Variants in SLC9B1 observed in about 807,000 individuals in gnomAD.
SLC9B1 encodes solute carrier family 9 member B1, also known as sodium/hydrogen exchanger 9B1.
Under a neutral mutation model 51.7 loss-of-function variants are expected in SLC9B1, and 32 were observed. The ratio of observed to expected loss-of-function variants is 0.62; its 90% confidence interval spans 0.47 to 0.83. The LOEUF (loss-of-function observed/expected upper bound fraction) is 0.83, where lower values mean the gene tolerates loss of function less well. Among genes scored for constraint, SLC9B1 ranks in the 40% least tolerant of loss-of-function variants. The pLI is 0.00. For missense variants in SLC9B1, 406 were observed against 613.2 expected (o/e 0.66, Z 3.57); for synonymous variants, 145 against 212.7 (o/e 0.68, Z 2.77).
downstream of SLC9B1, among the ~76,000 whole-genome samples, chr4:102,896,352 A>G (rs902249765): frequency 1.3e-5 from 2 of 152,154 alleles, no homozygotes; most frequent in Non-Finnish European, 2.9e-5. Flanking sequence ...CTTCTGTCAC[A>G]TCTTTTTCTA....
At chr4:103,011,197 A>G (rs943143707) in intron 1 of SLC9B1, among the ~76,000 whole-genome samples, 1 of 152,236 alleles carries the variant, frequency 6.6e-6, no homozygotes, top group African/African-American at 2.4e-5. Flanking sequence ...AAAAGGAGAA[A>G]GGGGTAATAA....
intron 2 of SLC9B1, among the ~76,000 whole-genome samples, chr4:102,991,216 T>C (rs2110518973): frequency 6.6e-6 from 1 of 152,138 alleles, no homozygotes; most frequent in South Asian, 2.1e-4. Context: ...TGAGCAATTA[T>C]TACTAAGTAA....
At chr4:102,976,235 C>T (rs1028042224) in intron 3 of SLC9B1, among the ~76,000 whole-genome samples, 1 of 152,180 alleles carries the variant, frequency 6.6e-6, no homozygotes, top group Non-Finnish European at 1.5e-5. Context: ...CAGTTACGGT[C>T]GTTTTCATAC....
At chr4:102,913,696 A>T (rs1182068603) in intron 7 of SLC9B1, among the ~76,000 whole-genome samples, 3 of 151,906 alleles carry the variant, frequency 2.0e-5, no homozygotes, top group Admixed American at 6.5e-5. Context: ...ATCCAAATTA[A>T]CTCTCTTAAT....
At chr4:102,889,204 CTCACATGTCAGTGGGGGATA>C (rs1734101817) in intron 11 of SLC9B1, 1 of 152,230 alleles carries the variant, frequency 6.6e-6, no homozygotes, top group Non-Finnish European at 1.5e-5. Context: ...TTGTTCTTTC[CTCACATGTCAGTGGGGGATA>C]AATACAGCAT....
intron 3 of SLC9B1, among the ~76,000 whole-genome samples, chr4:102,964,816 A>G (rs1738335920): frequency 1.3e-5 from 2 of 152,232 alleles, no homozygotes; most frequent in South Asian, 4.1e-4. Flanking sequence ...GGCATCTACC[A>G]GAAGCCTACA....
chr4:102,935,339 A>G (rs1174671014), intron 6 of SLC9B1, among the ~76,000 whole-genome samples: 3 of 152,332 alleles, frequency 2.0e-5, no homozygotes, highest in Admixed American at 2.0e-4. Context: ...ATTTAATAAT[A>G]TCAAGGATTT....
At position 102,940,270 on chromosome 4, in the gene SLC9B1, T is replaced by G. The variant is rs540008651; in HGVS notation, c.653+4923A>C. On this transcript the variant is annotated intron_variant, in intron 6 of 11. Coordinates refer to ENST00000296422, the MANE Select transcript of SLC9B1 (RefSeq NM_139173.4). ...CCATTCACAATAGCCACAAAAAAAC[T>G]ATAAAATACCTTGGAATACAGCTAA... is the stretch of plus-strand genomic sequence containing the variant. 2.0e-5 allele frequency among the ~76,000 whole-genome samples: 3 copies of G among 152,086 alleles called. No homozygotes were observed. In the East Asian group the frequency reaches 5.8e-4, roughly 29 times the overall value.
intron 1 of SLC9B1, among the ~76,000 whole-genome samples, chr4:102,997,516 T>C (rs981056915): frequency 6.6e-6 from 1 of 152,234 alleles, no homozygotes; most frequent in East Asian, 1.9e-4. Context: ...TTCATTTCAC[T>C]TTGTATCAGG....
chr4:102,957,589 G>A (rs1298347644), intron 3 of SLC9B1, among the ~76,000 whole-genome samples: 1 of 152,152 alleles, frequency 6.6e-6, no homozygotes, highest in East Asian at 1.9e-4. Flanking sequence ...CAAAAATGGA[G>A]CTGAAATAAA....
chr4:102,908,845 CTA>C (rs1735195589), intron 9 of SLC9B1, among the ~76,000 whole-genome samples: 1 of 151,626 alleles, frequency 6.6e-6, no homozygotes, highest in Non-Finnish European at 1.5e-5. Flanking sequence ...CTAAGAGAAA[CTA>C]TAAATTAGAA....
rs1257176388 is a variant in SLC9B1 at position 102,901,316 on chromosome 4, A to G, written c.1349T>C (p.Leu450Pro). 8.1e-6 allele frequency: 13 copies of G among 1,612,022 alleles called. No homozygotes were observed. Among genetic ancestry groups the G allele is most frequent in the Non-Finnish European group, 1.1e-5 (13 of 1,179,798 alleles). ...GGAGACTCTTGCTGTTTCTAGAGCC[A>G]GAGGACCTAACACAGCCTGCATTTA... is the stretch of plus-strand genomic sequence containing the variant. Reference protein sequence around the residue: ...KATVQAVLGPLALETARVSAP... With the variant: ...KATVQAVLGPPALETARVSAP... Residue 450 changes from leucine to proline, a missense_variant, in exon 12 of 12, where the codon CTG becomes CCG. Physicochemically the swap from Leu to Pro is moderately conservative, Grantham distance 98 (BLOSUM62 -3). Transcript: ENST00000296422.
intron 6 of SLC9B1, among the ~76,000 whole-genome samples, chr4:102,939,406 CAAAAA>C (rs56014819): frequency 1.7e-3 from 116 of 67,978 alleles, no homozygotes; most frequent in South Asian, 3.7e-3. Context: ...GTCTCTGAGC[CAAAAA>C]AAAAAAAAAA....
At chr4:102,993,693 A>G (rs4698872) in intron 1 of SLC9B1, among the ~76,000 whole-genome samples, 1 of 152,194 alleles carries the variant, frequency 6.6e-6, no homozygotes, top group African/African-American at 2.4e-5. Flanking sequence ...GAGGTTCTCC[A>G]TGAGGGCTCT....
intron 11 of SLC9B1, among the ~76,000 whole-genome samples, chr4:102,885,907 A>G (rs1039166914): frequency 5.3e-5 from 8 of 152,320 alleles, no homozygotes; most frequent in Admixed American, 1.3e-4. Flanking sequence ...AATATGAGGT[A>G]GTAAATGATA....
At chr4:102,956,437 T>C (rs1286110250) in intron 3 of SLC9B1, among the ~76,000 whole-genome samples, 1 of 151,988 alleles carries the variant, frequency 6.6e-6, no homozygotes, top group Non-Finnish European at 1.5e-5. Context: ...CAAGAGAGTA[T>C]GACAAAAAGT....
chr4:103,000,045 C>T (rs1740438683), intron 1 of SLC9B1, among the ~76,000 whole-genome samples: 1 of 152,162 alleles, frequency 6.6e-6, no homozygotes, highest in South Asian at 2.1e-4. Flanking sequence ...ACCATCAGAT[C>T]TCATGAGAAC....
chr4:102,914,379 A>G (rs1383464961), intron 7 of SLC9B1, among the ~76,000 whole-genome samples: 1 of 152,054 alleles, frequency 6.6e-6, no homozygotes, highest in Non-Finnish European at 1.5e-5. Context: ...TTCTAATGCT[A>G]TAGCTAATTT....
Position 102,910,534 on chromosome 4 carries a change from C to T in SLC9B1, c.991G>A (p.Val331Ile), listed in dbSNP as rs182377523. The T allele has an allele frequency of 5.2e-5, 81 of 1,548,808 alleles. No individual in the cohort carries two copies. The highest frequency in any genetic ancestry group is 3.8e-4 in the South Asian group (30 of 78,454). Residue 331 changes from valine to isoleucine, a missense_variant, in exon 9 of 12, where the codon GTC becomes ATC. By Grantham distance (29) the Val-to-Ile change is conservative. Coordinates refer to ENST00000296422, the MANE Select transcript of SLC9B1 (RefSeq NM_139173.4). Reference sequence around the variant, plus strand: ...AAACCAATACGTTGGCTGCCTAAGACGGCAGAAACACACATAGTCAAAACA... The same window carrying T: ...AAACCAATACGTTGGCTGCCTAAGATGGCAGAAACACACATAGTCAAAACA... ...FLVLTMCVSA[V>I]LGSQRIGLHG...
Sources: gnomAD v4.1 joint callset for allele counts (sites outside exome capture counted in the v4.1 genomes callset) on GRCh38, gnomAD v4.1.1 for gene constraint, MANE v1.5 for transcripts, NCBI Gene and HGNC (gene_info 2026-07-23, HGNC 2026-07-21) for gene names.